GPC4: variants seen among roughly 807,000 people sequenced by gnomAD.
GPC4 encodes the protein glypican-4.
In GPC4, 10 loss-of-function variants were observed where a neutral mutation model predicts 35.0. That is an observed-to-expected ratio of 0.29 (90% confidence interval 0.18 to 0.48). The LOEUF is 0.48. GPC4 is among the 20% of genes least tolerant of loss of function. The pLI is 0.99. For synonymous variants in GPC4, 167 were observed against 170.2 expected (o/e 0.98, Z 0.15); for missense variants, 322 against 451.3 (o/e 0.71, Z 2.60).
intron 1 of GPC4, among the ~76,000 whole-genome samples, chrX:133,410,037 A>G (rs1979201884): frequency 9.0e-6 from 1 of 111,450 alleles, no homozygotes; most frequent in Non-Finnish European, 1.9e-5. Context: ...TGTATTGTCC[A>G]GGAAATACAA....
chrX:133,413,632 C>A (rs975450569), intron 1 of GPC4, among the ~76,000 whole-genome samples: 7 of 42,291 alleles, frequency 1.7e-4, no homozygotes, highest in East Asian at 9.3e-4. Flanking sequence ...GAGGCTCAGC[C>A]CCCCCCCCGG....
At chrX:133,355,596 T>C (rs1202135915) in intron 1 of GPC4, among the ~76,000 whole-genome samples, 1 of 112,044 alleles carries the variant, frequency 8.9e-6, no homozygotes, top group Non-Finnish European at 1.9e-5. Context: ...AACTTCTTTT[T>C]ATTCCACCAG....
Position 133,303,037 on chromosome X carries a change from C to T in GPC4, c.1501G>A (p.Gly501Ser). ...GAAGGGCACTGCTGATACTCACAGC[C>T]ACTTCCACTTCCTTCTCCACTACTT... ...DESSGEGSGS[G>S]CEYQQCPSEF... Residue 501 changes from glycine (G) to serine (S), a missense_variant, in exon 9 of 9, where the codon GGC (glycine) becomes AGC (serine). Gly to Ser is a moderately conservative substitution (Grantham distance 56). Around this residue, in one of 3 missense-constraint regions of GPC4, gnomAD observed 99 missense variants for 110.0 expected, o/e 0.90. Transcript: ENST00000370828. 1.7e-6 allele frequency: 2 copies of T among 1,211,162 alleles called. No individual in the cohort carries two copies. Among genetic ancestry groups the T allele is most frequent in the Non-Finnish European group, 2.2e-6 (2 of 895,256 alleles).
At chrX:133,367,160 G>T (rs772570083) in intron 1 of GPC4, among the ~76,000 whole-genome samples, 26 of 111,911 alleles carry the variant, frequency 2.3e-4, no homozygotes, top group Non-Finnish European at 3.2e-4. Flanking sequence ...TCCTTGCTTT[G>T]CTGTGAGTTT....
intron 1 of GPC4, among the ~76,000 whole-genome samples, chrX:133,388,794 G>A (rs1044890287): frequency 7.5e-5 from 8 of 106,019 alleles, no homozygotes; most frequent in Admixed American, 6.0e-4. Context: ...GAGCCACCGC[G>A]CCCAGCCAGC....
intron 1 of GPC4, among the ~76,000 whole-genome samples, chrX:133,348,191 G>A (rs566791797): frequency 2.7e-4 from 30 of 112,055 alleles, no homozygotes; most frequent in African/African-American, 9.4e-4. Flanking sequence ...TAAGCAAATT[G>A]TCAACCAAGG....
intron 1 of GPC4, among the ~76,000 whole-genome samples, chrX:133,405,803 A>G (rs2068784825): frequency 8.9e-6 from 1 of 112,644 alleles, no homozygotes; most frequent in South Asian, 3.6e-4. Flanking sequence ...AAGTTCCTCA[A>G]AAGCTTGATT....
At chrX:133,353,479 G>C (rs1478183431) in intron 1 of GPC4, among the ~76,000 whole-genome samples, 1 of 111,846 alleles carries the variant, frequency 8.9e-6, no homozygotes, top group African/African-American at 3.3e-5. Flanking sequence ...CTGGGTGAGT[G>C]GGTGCTCATT....
intron 3 of GPC4, among the ~76,000 whole-genome samples, chrX:133,319,418 T>TGG (rs558523926): frequency 1.3e-5 from 1 of 78,123 alleles, no homozygotes; most frequent in Non-Finnish European, 2.2e-5. Flanking sequence ...CACTCCAGCC[T>TGG]GGGTGACAGA....
chrX:133,396,480 G>A (rs185940842), intron 1 of GPC4, among the ~76,000 whole-genome samples: 2 of 111,869 alleles, frequency 1.8e-5, no homozygotes, highest in African/African-American at 3.2e-5. Context: ...CAATAACTGC[G>A]CCAAATGCAA....
At chrX:133,349,237 G>A (rs1280159542) in intron 1 of GPC4, among the ~76,000 whole-genome samples, 2 of 112,136 alleles carry the variant, frequency 1.8e-5, no homozygotes, top group Non-Finnish European at 3.8e-5. Flanking sequence ...CCAGTGGGCA[G>A]TCTCCTGCAC....
rs892205211 is a variant in GPC4, at chrX:133,324,178, C to T, written c.678G>A (p.Ala226=). Residue 226 remains alanine (A), a synonymous_variant, in exon 3 of 9, where the codon GCG becomes GCA. Coordinates refer to ENST00000370828, the MANE Select transcript of GPC4 (RefSeq NM_001448.3). The stretch of plus-strand genomic sequence containing the variant: ...CCTTGCTCACGACATCTCCCGCAAC[C>T]GCTAAGCCTTGAGCGAAAGTACGGG... ...VAARTFAQGL[A]VAGDVVSKVS... 13 of 1,207,622 alleles carry T rather than the reference C, an allele frequency of 1.1e-5. No homozygotes were observed. Among genetic ancestry groups the T allele is most frequent in the African/African-American group, 5.3e-5 (3 of 57,100 alleles).
chrX:133,393,703 A>ATTT (rs2068730208), intron 1 of GPC4, among the ~76,000 whole-genome samples: 1 of 111,398 alleles, frequency 9.0e-6, no homozygotes, highest in Admixed American at 9.6e-5. Context: ...ATTGAACTTA[A>ATTT]GGAAGTTATT....
intron 1 of GPC4, among the ~76,000 whole-genome samples, chrX:133,396,612 G>A (rs1225571236): frequency 1.8e-5 from 2 of 111,686 alleles, no homozygotes; most frequent in Non-Finnish European, 3.8e-5. Context: ...AGGACTTCAA[G>A]AAGAAAAACA....
At chrX:133,363,128 G>A (rs1569350590) in intron 1 of GPC4, among the ~76,000 whole-genome samples, 1 of 112,124 alleles carries the variant, frequency 8.9e-6, no homozygotes, top group Non-Finnish European at 1.9e-5. Flanking sequence ...CCTGAGGAAT[G>A]TTTATTTCTG....
intron 1 of GPC4, among the ~76,000 whole-genome samples, chrX:133,347,247 A>AGTTTT (rs1569347697): frequency 1.1e-3 from 26 of 22,803 alleles, no homozygotes; most frequent in South Asian, 4.5e-3. Flanking sequence ...TTCTATTAGA[A>AGTTTT]GTTTTTTTTT....
chrX:133,332,092 A>G (rs1192191344), intron 2 of GPC4, among the ~76,000 whole-genome samples: 1 of 112,058 alleles, frequency 8.9e-6, no homozygotes, highest in African/African-American at 3.2e-5. Context: ...TGTAATACTT[A>G]ATAAAAAGAA....
chrX:133,406,843 G>A lies in GPC4; in HGVS notation c.160+7963C>T, dbSNP rs1246095956. On this transcript the variant is annotated intron_variant, in intron 1 of 8. Transcript: ENST00000370828. The stretch of plus-strand genomic sequence containing the variant: ...TAATACCAATACTTTGGGAGGCCAA[G>A]GTGGGTGGATCACTTGAGGCCAGGA... 2.8e-5 allele frequency among the ~76,000 whole-genome samples: 3 copies of A among 108,874 alleles called. No homozygotes were observed. The East Asian group carries it at 8.6e-4, about 31-fold the overall frequency. The allele number at this position is 108,874 out of a possible 115,157, so 94.5% of individuals were successfully genotyped here. A position where few individuals can be genotyped will look rare whatever the true frequency, so the allele number is the denominator to read the frequency against.
chrX:133,319,254 G>A (rs1346633144), intron 3 of GPC4, among the ~76,000 whole-genome samples: 15 of 108,351 alleles, frequency 1.4e-4, no homozygotes, highest in Non-Finnish European at 1.9e-5. Flanking sequence ...GACCAGCCTG[G>A]GCAACATAAC....
Sources: gnomAD v4.1 joint callset for allele counts (sites outside exome capture counted in the v4.1 genomes callset) on GRCh38, gnomAD v4.1.1 for gene constraint, gnomAD v4.1.1 regional missense constraint, MANE v1.5 for transcripts, NCBI Gene and HGNC (gene_info 2026-07-23, HGNC 2026-07-21) for gene names.